The following SORL1-AS1 variants were observed in gnomAD, a reference collection of about 807,000 sequenced individuals.
SORL1-AS1 encodes lncRNA 51 A.
chr11:121,441,711 A>G, the SORL1-AS1 span, among the ~76,000 whole-genome samples: 7 of 151,952 alleles, frequency 4.6e-5, no homozygotes, highest in Non-Finnish European at 1.0e-4. Flanking sequence ...GCCATTGTGG[A>G]TCATACAGAC....
At position 121,452,653 on chromosome 11, in the gene SORL1-AS1, T is replaced by C. The variant is rs749873775; in HGVS notation, n.339+22A>G. On this transcript the variant is annotated intron_variant and non_coding_transcript_variant, in intron 1 of 1. Coordinates refer to ENST00000501964, the Ensembl canonical transcript of SORL1-AS1. This position sits in a 1 kb window ranked among gnomAD's most constrained non-coding sequence, Gnocchi z 5.3. ...TGCAACCCGCCTCCCTCCAGTTTTT[T>C]CCTCTCCCTGCACTTCCTCACCCCC... 57 of 1,415,302 alleles carry C rather than the reference T, an allele frequency of 4.0e-5. No homozygotes were observed. Among genetic ancestry groups the C allele is most frequent in the Non-Finnish European group, 5.1e-5 (55 of 1,086,342 alleles). The allele number at this position is 1,415,302 out of a possible 1,614,324, so 87.7% of individuals were successfully genotyped here. A position where few individuals can be genotyped will look rare whatever the true frequency, so the allele number is the denominator to read the frequency against.
chr11:121,442,506 G>A (rs562992751), downstream of SORL1-AS1, among the ~76,000 whole-genome samples: 8 of 151,488 alleles, frequency 5.3e-5, no homozygotes, highest in African/African-American at 1.2e-4. Context: ...GTGGTGGCAC[G>A]CACCTGTGGT....
In SORL1-AS1 at chr11:121,452,765, A is replaced by C; in HGVS notation, n.249T>G. On this transcript the variant is annotated non_coding_transcript_exon_variant, in exon 1 of 2. Coordinates refer to ENST00000501964, the Ensembl canonical transcript of SORL1-AS1. This position sits in a 1 kb window ranked among gnomAD's most constrained non-coding sequence, Gnocchi z 5.3. Reference sequence around the variant, plus strand: ...TTTGTTTTTTTCCTTCACGAGTACAACCGTCAGCACTTGAATCGCATTGAT... The same window carrying C: ...TTTGTTTTTTTCCTTCACGAGTACACCCGTCAGCACTTGAATCGCATTGAT... 1.6e-6 allele frequency: 1 copy of C among 619,780 alleles called. No homozygotes were observed. The highest frequency in any genetic ancestry group is 2.5e-6 in the Non-Finnish European group (1 of 393,712). The allele number at this position is 619,780 out of a possible 1,614,324, so 38.4% of individuals were successfully genotyped here.
chr11:121,445,863 G>A (rs143437462), downstream of SORL1-AS1, among the ~76,000 whole-genome samples: 765 of 152,120 alleles, frequency 5.0e-3, 6 homozygotes, highest in African/African-American at 0.018. Context: ...GTTAGTGGCT[G>A]TGTCCTTTAT....
the SORL1-AS1 span, among the ~76,000 whole-genome samples, chr11:121,441,562 C>A: frequency 7.3e-6 from 1 of 136,150 alleles, no homozygotes; most frequent in Admixed American, 7.3e-5. Flanking sequence ...AATAAGGCCT[C>A]TATTTCCCAG....
At chr11:121,440,542 A>T in the SORL1-AS1 span, among the ~76,000 whole-genome samples, 1 of 152,152 alleles carries the variant, frequency 6.6e-6, no homozygotes, top group Non-Finnish European at 1.5e-5. Flanking sequence ...CTCCTGATTC[A>T]TAGAAACCAG....
chr11:121,452,444 G>A lies in SORL1-AS1; in HGVS notation n.339+231C>T. ...GTCTGGACGCAGAGGCTGCACGGCG[G>A]CAGCGCGCCCTTGCCCCAGGACCGG... On this transcript the variant is annotated intron_variant and non_coding_transcript_variant, in intron 1 of 1. Coordinates refer to ENST00000501964, the Ensembl canonical transcript of SORL1-AS1. The surrounding 1 kb of genome is among the most constrained non-coding windows in gnomAD (Gnocchi z 5.3). The A allele has an allele frequency of 6.7e-7, 1 of 1,498,816 alleles. No individual in the cohort carries two copies. The highest frequency in any genetic ancestry group is 1.3e-5 in the South Asian group (1 of 78,138). 92.8% of individuals were successfully genotyped at this position (1,498,816 alleles called of 1,614,324 possible).
the SORL1-AS1 span, among the ~76,000 whole-genome samples, chr11:121,439,584 C>T: frequency 8.5e-5 from 13 of 152,078 alleles, 1 homozygote; most frequent in African/African-American, 3.1e-4. Context: ...CTCTGATCTT[C>T]AGCAGCTTTG....
the SORL1-AS1 span, among the ~76,000 whole-genome samples, chr11:121,441,482 G>T: frequency 1.5e-5 from 2 of 135,714 alleles, no homozygotes; most frequent in Non-Finnish European, 3.0e-5. Context: ...AGTGAGCCAA[G>T]ATTCCACCAC....
At chr11:121,445,748 A>AAGCC (rs1383762828), downstream of SORL1-AS1, among the ~76,000 whole-genome samples, 1 of 151,592 alleles carries the variant, frequency 6.6e-6, no homozygotes, top group Non-Finnish European at 1.5e-5. Flanking sequence ...ACCCTCCCCA[A>AAGCC]AGCCAGTACT....
At chr11:121,446,477 A>G (rs906583053), downstream of SORL1-AS1, among the ~76,000 whole-genome samples, 1 of 152,166 alleles carries the variant, frequency 6.6e-6, no homozygotes, top group Non-Finnish European at 1.5e-5. Flanking sequence ...AAGGCCAGGC[A>G]TGGTGGCTCA....
downstream of SORL1-AS1, among the ~76,000 whole-genome samples, chr11:121,443,465 A>C (rs73591192): frequency 0.048 from 7,363 of 152,014 alleles, 504 homozygotes; most frequent in African/African-American, 0.15. Flanking sequence ...GTTTTATACC[A>C]CTCTCCTGTT....
the SORL1-AS1 span, among the ~76,000 whole-genome samples, chr11:121,441,042 A>G: frequency 7.9e-5 from 12 of 152,210 alleles, no homozygotes; most frequent in African/African-American, 2.4e-4. Flanking sequence ...CAATGGAGAT[A>G]TAAGTATTTC....
chr11:121,451,669 G>C (rs1426283408), intron 1 of SORL1-AS1, among the ~76,000 whole-genome samples: 1 of 152,224 alleles, frequency 6.6e-6, no homozygotes, highest in Admixed American at 6.5e-5. Context: ...GCTTGATCAA[G>C]GGTAGTTTTT....
Position 121,450,222 on chromosome 11 carries a change from T to C in SORL1-AS1, n.340-323A>G, listed in dbSNP as rs1860771640. ...ATATATGTTGGAAAAACCCCAATAA[T>C]TGAATCATCTACAGGATGTTCTCAC... On this transcript the variant is annotated intron_variant and non_coding_transcript_variant, in intron 1 of 1. Coordinates refer to ENST00000501964, the Ensembl canonical transcript of SORL1-AS1. This position sits in a 1 kb window ranked among gnomAD's most constrained non-coding sequence, Gnocchi z 5.2. Among the ~76,000 whole-genome samples, 1 of 152,194 alleles carries C rather than the reference T, an allele frequency of 6.6e-6. No individual in the cohort carries two copies. The highest frequency in any genetic ancestry group is 1.5e-5 in the Non-Finnish European group (1 of 68,036).
exon 2 of SORL1-AS1, chr11:121,448,462 G>T (rs1860751162): frequency 6.6e-6 from 1 of 152,126 alleles, no homozygotes; most frequent in South Asian, 2.1e-4. Flanking sequence ...CATGGAAGAG[G>T]GAACAATGTT....
chr11:121,445,773 C>A (rs1439171436), downstream of SORL1-AS1, among the ~76,000 whole-genome samples: 1 of 151,944 alleles, frequency 6.6e-6, no homozygotes, highest in African/African-American at 2.4e-5. Context: ...TTTTTTCCCC[C>A]CAAGACAGAA....
In SORL1-AS1 at chr11:121,450,064, G is replaced by T. The variant is rs1200750202; in HGVS notation, n.340-165C>A. On this transcript the variant is annotated intron_variant and non_coding_transcript_variant, in intron 1 of 1. Transcript: ENST00000501964. The surrounding 1 kb of genome is among the most constrained non-coding windows in gnomAD (Gnocchi z 5.2). ...CCCTACTAGTCCTTCTGTGCAAGGG[G>T]CCATCTGAACCTTAAGCCAGCAGTT... Among the ~76,000 whole-genome samples, 1 of 152,210 alleles carries T rather than the reference G, an allele frequency of 6.6e-6. No homozygotes were observed. Among genetic ancestry groups the T allele is most frequent in the Non-Finnish European group, 1.5e-5 (1 of 68,034 alleles).
rs190474056 is a variant in SORL1-AS1 at position 121,452,863 on chromosome 11, G to T, written n.151C>A. 1 of 446,332 alleles carries T rather than the reference G, an allele frequency of 2.2e-6. No homozygotes were observed. Among genetic ancestry groups the T allele is most frequent in the Non-Finnish European group, 3.9e-6 (1 of 253,638 alleles). The allele number at this position is 446,332 out of a possible 1,614,324, so 27.6% of individuals were successfully genotyped here. A position where few individuals can be genotyped will look rare whatever the true frequency, so the allele number is the denominator to read the frequency against. On this transcript the variant is annotated non_coding_transcript_exon_variant, in exon 1 of 2. Coordinates refer to ENST00000501964, the Ensembl canonical transcript of SORL1-AS1. The surrounding 1 kb of genome is among the most constrained non-coding windows in gnomAD (Gnocchi z 5.3). ...CGGGTGCAGTGCGTATTACCCCAGG[G>T]TGTGTGCAGAGAGATGTAGTTTCCG...
Sources: allele counts gnomAD v4.1 joint callset (sites outside exome capture counted in the v4.1 genomes callset), GRCh38; gene constraint gnomAD v4.1.1; non-coding constraint Gnocchi (gnomAD v3.1); transcripts MANE v1.5; gene names NCBI Gene and HGNC (gene_info 2026-07-23, HGNC 2026-07-21).